TTC7B: variants seen among roughly 807,000 people sequenced by gnomAD.
TTC7B encodes tetratricopeptide repeat domain 7B.
A neutral mutation model predicts 106.8 loss-of-function variants in TTC7B; 28 were observed. The ratio of observed to expected loss-of-function variants is 0.26; its 90% CI spans 0.19 to 0.36. The LOEUF is 0.36. TTC7B is among the 10% of genes least tolerant of loss of function. The pLI is 1.00. For missense variants in TTC7B, 862 were observed against 1,076.4 expected (o/e 0.80, Z 2.79); for synonymous variants, 405 against 430.6 (o/e 0.94, Z 0.74).
rs192371032 is a variant in TTC7B, at chr14:90,757,863, A to G, written c.446-12941T>C. ...TGACCAGGAATTTTCGGTCCACGAA[A>G]AATATGACGTACTTCAATTCCTGCT... On this transcript the variant is annotated intron_variant, in intron 3 of 19. Transcript: ENST00000328459. This position sits in a 1 kb window ranked among gnomAD's most constrained non-coding sequence, Gnocchi z 4.1. 7.5e-4 allele frequency among the ~76,000 whole-genome samples: 115 copies of G among 152,336 alleles called. No homozygotes were observed. Among genetic ancestry groups the G allele is most frequent in the Non-Finnish European group, 8.8e-5 (6 of 68,030 alleles).
rs558453104 is a variant in TTC7B, at chr14:90,654,289, A to T, written c.1459+704T>A. ...TATACTAATTAAAATTCATTAAATT[A>T]ACCATGTGTTTCTGGGATTTTTGTT... On this transcript the variant is annotated intron_variant, in intron 12 of 19. Coordinates refer to ENST00000328459, the MANE Select transcript of TTC7B (RefSeq NM_001010854.2). 2.8e-4 allele frequency among the ~76,000 whole-genome samples: 42 copies of T among 152,320 alleles called. No homozygotes were observed. The South Asian group carries it at 8.3e-3, about 30-fold the overall frequency.
intron 15 of TTC7B, among the ~76,000 whole-genome samples, chr14:90,628,846 T>G (rs1010423774): frequency 6.6e-6 from 1 of 152,270 alleles, no homozygotes; most frequent in Non-Finnish European, 1.5e-5. Flanking sequence ...TTCGCATGGC[T>G]TGATTCCACT....
chr14:90,729,664 A>C (rs759114809), intron 5 of TTC7B, among the ~76,000 whole-genome samples: 2 of 152,238 alleles, frequency 1.3e-5, no homozygotes, highest in Non-Finnish European at 2.9e-5. Context: ...GGCAAATCCA[A>C]TTCCCTGAAT....
At chr14:90,636,754 T>A (rs1356926360) in intron 15 of TTC7B, among the ~76,000 whole-genome samples, 1 of 151,912 alleles carries the variant, frequency 6.6e-6, no homozygotes, top group Non-Finnish European at 1.5e-5. Context: ...AAACTCATAT[T>A]TGACAATTGT....
In TTC7B at chr14:90,720,755, G is replaced by C. The variant is rs150131807; in HGVS notation, c.698+9320C>G. 3.9e-5 allele frequency among the ~76,000 whole-genome samples: 6 copies of C among 152,274 alleles called. No individual in the cohort carries two copies. In the East Asian group the frequency reaches 1.2e-3, roughly 29 times the overall value. ...CATCTTTCTAAAAGAAAAGCTGCAG[G>C]TGAAAAGCTAAGGTAAGAAAAGAAA... On this transcript the variant is annotated intron_variant, in intron 5 of 19. Transcript: ENST00000328459.
At chr14:90,549,822 G>T (rs1890001449) in intron 19 of TTC7B, among the ~76,000 whole-genome samples, 1 of 152,132 alleles carries the variant, frequency 6.6e-6, no homozygotes, top group Non-Finnish European at 1.5e-5. Context: ...GTTTAGTAAG[G>T]ACTAAATGAG....
chr14:90,766,661 T>C, intron 3 of TTC7B: 1 of 1,264,936 alleles, frequency 7.9e-7, no homozygotes, highest in Non-Finnish European at 1.2e-6. Flanking sequence ...GTTCATGTGG[T>C]GTTGAGGAAA....
chr14:90,579,141 C>A (rs1891381536), intron 18 of TTC7B, among the ~76,000 whole-genome samples: 1 of 152,240 alleles, frequency 6.6e-6, no homozygotes, highest in African/African-American at 2.4e-5. Context: ...CCGAGGGCCT[C>A]TTCTCCTGAG....
intron 19 of TTC7B, among the ~76,000 whole-genome samples, chr14:90,553,187 G>C (rs1039051027): frequency 1.3e-5 from 2 of 152,216 alleles, no homozygotes; most frequent in African/African-American, 4.8e-5. Context: ...GGCAGCCCCA[G>C]GTGCAGCACC....
intron 13 of TTC7B, among the ~76,000 whole-genome samples, chr14:90,649,776 C>T (rs570662438): frequency 6.6e-6 from 1 of 152,086 alleles, no homozygotes; most frequent in Non-Finnish European, 1.5e-5. Context: ...ACCATCCAAC[C>T]ATCCACCTAC....
At chr14:90,561,622 C>A (rs1890586314) in intron 19 of TTC7B, among the ~76,000 whole-genome samples, 1 of 152,226 alleles carries the variant, frequency 6.6e-6, no homozygotes, top group Non-Finnish European at 1.5e-5. Context: ...AAAACTGAGG[C>A]CCAGAGAATC....
chr14:90,726,518 C>T (rs955181077), intron 5 of TTC7B, among the ~76,000 whole-genome samples: 2 of 152,198 alleles, frequency 1.3e-5, no homozygotes, highest in Non-Finnish European at 2.9e-5. Context: ...GTCAGCCAGG[C>T]GTCGTCACCA....
At chr14:90,542,732 G>A (rs965937866) in intron 19 of TTC7B, among the ~76,000 whole-genome samples, 1 of 151,364 alleles carries the variant, frequency 6.6e-6, no homozygotes, top group Non-Finnish European at 1.5e-5. Context: ...GAACAACTTG[G>A]TGGGGTGGGT....
chr14:90,681,955 T>TG (rs1887068763), intron 7 of TTC7B, among the ~76,000 whole-genome samples: 1 of 152,204 alleles, frequency 6.6e-6, no homozygotes, highest in Admixed American at 6.5e-5. Context: ...TCCTGGCTTG[T>TG]GGTTACATGC....
At chr14:90,678,318 G>C (rs1027648179) in intron 8 of TTC7B, among the ~76,000 whole-genome samples, 1 of 152,184 alleles carries the variant, frequency 6.6e-6, no homozygotes, top group African/African-American at 2.4e-5. Context: ...AATTCTAAAT[G>C]ATACCTTGTA....
intron 3 of TTC7B, among the ~76,000 whole-genome samples, chr14:90,777,271 G>A (rs1030315647): frequency 1.3e-5 from 2 of 152,072 alleles, no homozygotes; most frequent in African/African-American, 4.8e-5. Context: ...AAGAGTGAAT[G>A]AGATACTGGG....
In TTC7B at chr14:90,780,760, G is replaced by A. The variant is rs140245563; in HGVS notation, c.423C>T (p.Ile141=). The A allele has an allele frequency of 1.4e-3, 2,337 of 1,614,176 alleles. 15 individuals are homozygous for A. The highest frequency in any genetic ancestry group is 0.011 in the South Asian group (994 of 91,076). The change falls in exon 3 of 20, where the codon ATC becomes ATT. Residue 141 remains isoleucine (I), a synonymous_variant. Transcript: ENST00000328459. The part of the protein sequence containing the change: ...TAVPPYRLRV[I]AEAYATKGLC... The stretch of plus-strand genomic sequence containing the variant: ...CACCTTTGGTAGCGTAGGCTTCTGC[G>A]ATCACCCGCAGCCTGTAGGGCGGGA...
intron 1 of TTC7B, among the ~76,000 whole-genome samples, chr14:90,789,458 C>A (rs1043244757): frequency 2.0e-5 from 3 of 151,908 alleles, no homozygotes; most frequent in Non-Finnish European, 2.9e-5. Flanking sequence ...CTCGGTGGCT[C>A]ATGCCTATAA....
intron 19 of TTC7B, among the ~76,000 whole-genome samples, chr14:90,547,627 C>T (rs1040168818): frequency 6.6e-6 from 1 of 152,148 alleles, no homozygotes; most frequent in Non-Finnish European, 1.5e-5. Context: ...GAAACTCCGT[C>T]GCCACTAAAA....
Sources: gnomAD v4.1 joint callset for allele counts (sites outside exome capture counted in the v4.1 genomes callset) on GRCh38, gnomAD v4.1.1 for gene constraint, Gnocchi (gnomAD v3.1) non-coding constraint, MANE v1.5 for transcripts, NCBI Gene and HGNC (gene_info 2026-07-23, HGNC 2026-07-21) for gene names.